Variants in SOBP observed in about 807,000 individuals in gnomAD.
SOBP encodes the protein sine oculis binding protein homolog.
SOBP carries 4 observed loss-of-function variants against 53.6 expected under a neutral mutation model. The ratio of observed to expected loss-of-function variants is 0.07; its 90% confidence interval spans 0.04 to 0.17. The LOEUF (loss-of-function observed/expected upper bound fraction) is 0.17, where lower values mean the gene tolerates loss of function less well. SOBP is among the 10% of genes least tolerant of loss of function. The pLI, the probability that SOBP is intolerant of heterozygous loss-of-function variation, is 1.00. For synonymous variants in SOBP, 584 were observed against 522.6 expected (o/e 1.12, Z -1.60); for missense variants, 1,088 against 1,204.7 (o/e 0.90, Z 1.43).
Position 107,635,113 on chromosome 6 carries a change from C to A in SOBP, c.2269C>A (p.Leu757Met), listed in dbSNP as rs1428143953. ...GCCGCCGCCCGCGCCCCCCAAGAAG[C>A]TGCTGTCGCCTGAGGAACCGGCGGT... The part of the protein sequence containing the change: ...PPPPPAPPKK[L>M]LSPEEPAVSE... The change falls in exon 6 of 7, where the codon CTG becomes ATG. Residue 757 changes from leucine (L) to methionine (M), a missense_variant. Around this residue, in one of 6 missense-constraint regions of SOBP, gnomAD observed 665 missense variants for 629.7 expected, o/e 1.06. Transcript: ENST00000317357. The surrounding 1 kb of genome is among the most constrained non-coding windows in gnomAD (Gnocchi z 4.5). 2 of 1,610,866 alleles carry A rather than the reference C, an allele frequency of 1.2e-6. No individual in the cohort carries two copies. Among genetic ancestry groups the A allele is most frequent in the Admixed American group, 1.7e-5 (1 of 59,862 alleles).
At chr6:107,590,534 T>G (rs1388925994) in intron 5 of SOBP, among the ~76,000 whole-genome samples, 1 of 152,152 alleles carries the variant, frequency 6.6e-6, no homozygotes, top group Non-Finnish European at 1.5e-5. Flanking sequence ...AGTTCCAGAT[T>G]CCTGAGCCAT....
chr6:107,647,673 G>T (rs1199657140), intron 6 of SOBP, among the ~76,000 whole-genome samples: 4 of 151,890 alleles, frequency 2.6e-5, no homozygotes, highest in Non-Finnish European at 4.4e-5. Context: ...CAAAGAGAGC[G>T]AGTGCCCAAG....
intron 4 of SOBP, among the ~76,000 whole-genome samples, chr6:107,583,997 C>T (rs894512380): frequency 6.6e-5 from 10 of 152,118 alleles, no homozygotes; most frequent in Non-Finnish European, 1.5e-5. Flanking sequence ...ATTTTTGAAT[C>T]TGGGTTGCTC....
intron 4 of SOBP, among the ~76,000 whole-genome samples, chr6:107,543,464 C>T (rs1384232775): frequency 5.3e-5 from 8 of 152,146 alleles, no homozygotes; most frequent in South Asian, 2.1e-4. Flanking sequence ...TGGGCTATGA[C>T]GAGAGAGAGC....
At chr6:107,560,716 C>T (rs1784749672) in intron 4 of SOBP, among the ~76,000 whole-genome samples, 1 of 152,158 alleles carries the variant, frequency 6.6e-6, no homozygotes. Flanking sequence ...AGAACTTAAC[C>T]TACTCAATCA....
chr6:107,598,037 A>G (rs956901861), intron 5 of SOBP, among the ~76,000 whole-genome samples: 3 of 151,752 alleles, frequency 2.0e-5, no homozygotes, highest in African/African-American at 4.8e-5. Context: ...CTTTCAATCG[A>G]CATGCATTTA....
At chr6:107,496,141 C>T (rs1184389439) in intron 1 of SOBP, among the ~76,000 whole-genome samples, 1 of 152,122 alleles carries the variant, frequency 6.6e-6, no homozygotes, top group Non-Finnish European at 1.5e-5. Flanking sequence ...AACCAAAGGC[C>T]TGTGGAACTC....
rs559039010 is a variant in SOBP, at chr6:107,633,383, A to T, written c.670-131A>T. 96 of 1,147,900 alleles carry T rather than the reference A, an allele frequency of 8.4e-5. 1 individual carries two copies. The South Asian group carries it at 1.1e-3, about 13-fold the overall frequency. The allele number at this position is 1,147,900 out of a possible 1,614,324, so 71.1% of individuals were successfully genotyped here. On this transcript the variant is annotated intron_variant, in intron 5 of 6. Coordinates refer to ENST00000317357, the MANE Select transcript of SOBP (RefSeq NM_018013.4). ...AACATTTCAGAATTTTACCTTTTAG[A>T]AGGAAACAGTTCTGCCTGTTTGAGA...
chr6:107,506,434 C>T lies in SOBP; in HGVS notation c.421+7C>T. 6.2e-7 allele frequency: 1 copy of T among 1,613,220 alleles called. No homozygotes were observed. The highest frequency in any genetic ancestry group is 8.5e-7 in the Non-Finnish European group (1 of 1,179,246). On this transcript the variant is annotated splice_region_variant and intron_variant, in intron 3 of 6. Coordinates refer to ENST00000317357, the MANE Select transcript of SOBP (RefSeq NM_018013.4). ...TTCATAAAGCCACCAGCAGGTAAGT[C>T]ACTACTGGTGTTTTCAGTGATAACA...
intron 3 of SOBP, among the ~76,000 whole-genome samples, chr6:107,523,769 G>A (rs1402263370): frequency 6.6e-6 from 1 of 152,212 alleles, no homozygotes; most frequent in Non-Finnish European, 1.5e-5. Flanking sequence ...AAGAACATCT[G>A]GCTCCTATGA....
rs577356258 is a variant in SOBP, at chr6:107,492,547, G to A, written c.96+1835G>A. Among the ~76,000 whole-genome samples the A allele has an allele frequency of 3.3e-5, 5 of 152,314 alleles. No individual in the cohort carries two copies. The East Asian group carries it at 5.8e-4, about 18-fold the overall frequency. ...CGCGTTGTTGATTTTGGCTGCAGGC[G>A]CAGTCCGTGGTTTGGGAGATAGTTG... On this transcript the variant is annotated intron_variant, in intron 1 of 6. Transcript: ENST00000317357.
At chr6:107,597,373 G>A (rs1181527872) in intron 5 of SOBP, among the ~76,000 whole-genome samples, 1 of 152,054 alleles carries the variant, frequency 6.6e-6, no homozygotes, top group African/African-American at 2.4e-5. Context: ...CAGATAGTAA[G>A]TATATAATTA....
chr6:107,552,546 A>C (rs77612939), intron 4 of SOBP, among the ~76,000 whole-genome samples: 10,825 of 152,198 alleles, frequency 0.071, 585 homozygotes, highest in East Asian at 0.17. Context: ...AGCCTGGACC[A>C]AAGGGGAGGA....
At chr6:107,533,336 C>A in intron 3 of SOBP, 123 bp from the exon 4 acceptor site, 8 of 524,492 alleles carry the variant, frequency 1.5e-5, no homozygotes, top group East Asian at 5.1e-5. Flanking sequence ...AGAAAAAGCA[C>A]TTCTTCTCCA....
At chr6:107,501,408 T>A (rs1782841306) in intron 1 of SOBP, among the ~76,000 whole-genome samples, 1 of 152,204 alleles carries the variant, frequency 6.6e-6, no homozygotes, top group African/African-American at 2.4e-5. Context: ...TTTGTGTGAC[T>A]TCAGAGGCTA....
At chr6:107,604,566 C>A (rs1786300608) in intron 5 of SOBP, among the ~76,000 whole-genome samples, 1 of 151,800 alleles carries the variant, frequency 6.6e-6, no homozygotes, top group African/African-American at 2.4e-5. Context: ...CCACCTCTAC[C>A]CACATCCCAT....
At chr6:107,573,452 T>C (rs916786390) in intron 4 of SOBP, among the ~76,000 whole-genome samples, 1 of 152,112 alleles carries the variant, frequency 6.6e-6, no homozygotes, top group African/African-American at 2.4e-5. Context: ...TGTGGGGCAC[T>C]GCGCCAGGCA....
chr6:107,658,906 G>T lies in SOBP; in HGVS notation c.*703G>T, dbSNP rs1351853386. ...GCTTTTAATTTTCGATTTGACAGAT[G>T]TAAGAAGCAGCATGAATAGTTTATA... On this transcript the variant is annotated 3_prime_UTR_variant, in exon 7 of 7. Coordinates refer to ENST00000317357, the MANE Select transcript of SOBP (RefSeq NM_018013.4). 6.6e-6 allele frequency: 1 copy of T among 152,630 alleles called. No individual in the cohort carries two copies. The highest frequency in any genetic ancestry group is 1.5e-5 in the Non-Finnish European group (1 of 68,032). 9.5% of individuals were successfully genotyped at this position (152,630 alleles called of 1,614,324 possible).
intron 5 of SOBP, among the ~76,000 whole-genome samples, chr6:107,609,940 A>G (rs1786531031): frequency 6.6e-6 from 1 of 151,884 alleles, no homozygotes; most frequent in Non-Finnish European, 1.5e-5. Context: ...TTCTACGAGG[A>G]CCTCTCTTCC....
Sources: gnomAD v4.1 joint callset for allele counts (sites outside exome capture counted in the v4.1 genomes callset) on GRCh38, gnomAD v4.1.1 for gene constraint, gnomAD v4.1.1 regional missense constraint, Gnocchi (gnomAD v3.1) non-coding constraint, MANE v1.5 for transcripts, NCBI Gene and HGNC (gene_info 2026-07-23, HGNC 2026-07-21) for gene names.